The following HHAT variants were observed in gnomAD, a reference collection of about 807,000 sequenced individuals.
The protein encoded by HHAT is hedgehog acyltransferase.
A neutral mutation model predicts 70.8 loss-of-function variants in HHAT; 47 were observed. The observed-to-expected ratio is 0.66, with a 90% CI of 0.53 to 0.85. HHAT has a LOEUF of 0.85. Ranked by LOEUF, HHAT falls within the 40% of genes least tolerant of loss-of-function variation. The pLI is 0.00. For synonymous variants in HHAT, 228 were observed against 247.6 expected (o/e 0.92, Z 0.74); for missense variants, 609 against 604.8 (o/e 1.01, Z -0.07).
At chr1:210,625,726 C>T (rs1427768723) in intron 11 of HHAT, among the ~76,000 whole-genome samples, 2 of 152,232 alleles carry the variant, frequency 1.3e-5, no homozygotes, top group Non-Finnish European at 2.9e-5. Context: ...AAGTTTGTTT[C>T]TCTGACAGTT....
intron 6 of HHAT, among the ~76,000 whole-genome samples, chr1:210,417,503 G>T (rs2148270119): frequency 6.6e-6 from 1 of 152,258 alleles, no homozygotes; most frequent in Admixed American, 6.5e-5. Context: ...CCAAAGTCCT[G>T]GGATTCTAGG....
At chr1:210,424,659 G>A (rs758518752) in intron 7 of HHAT, among the ~76,000 whole-genome samples, 4 of 151,858 alleles carry the variant, frequency 2.6e-5, no homozygotes, top group Admixed American at 2.0e-4. Context: ...CTCCAACCAT[G>A]TCCCTGCAAA....
chr1:210,674,515 G>A lies in HHAT; in HGVS notation c.*136G>A, dbSNP rs1680828118. The A allele has an allele frequency of 8.1e-6, 5 of 618,238 alleles. No individual in the cohort carries two copies. The highest frequency in any genetic ancestry group is 1.1e-5 in the Non-Finnish European group (4 of 356,464). 38.3% of individuals were successfully genotyped at this position (618,238 alleles called of 1,614,324 possible). A position where few individuals can be genotyped will look rare whatever the true frequency, so the allele number is the denominator to read the frequency against. On this transcript the variant is annotated 3_prime_UTR_variant, in exon 12 of 12. Coordinates refer to ENST00000261458, the MANE Select transcript of HHAT (RefSeq NM_018194.6). Reference sequence around the variant, plus strand: ...GTTGAATGCCCTCACTCCAAGACTGGATGCTGGATCTCATAGAAAATTCAC... The same window carrying A: ...GTTGAATGCCCTCACTCCAAGACTGAATGCTGGATCTCATAGAAAATTCAC...
At chr1:210,379,899 C>T (rs145874296) in intron 3 of HHAT, among the ~76,000 whole-genome samples, 73 of 152,140 alleles carry the variant, frequency 4.8e-4, no homozygotes, top group African/African-American at 1.3e-3. Flanking sequence ...ATTGATTTTT[C>T]GGAGAGTGGG....
intron 1 of HHAT, among the ~76,000 whole-genome samples, chr1:210,335,972 A>G (rs1033805110): frequency 2.0e-5 from 3 of 152,208 alleles, no homozygotes; most frequent in African/African-American, 7.2e-5. Flanking sequence ...AGCAAAACCA[A>G]GATAGATGTA....
chr1:210,615,276 T>C (rs1165528500), intron 10 of HHAT, among the ~76,000 whole-genome samples: 1 of 152,218 alleles, frequency 6.6e-6, no homozygotes, highest in Non-Finnish European at 1.5e-5. Flanking sequence ...TTCTTGTAAA[T>C]TTGTTTGAGT....
intron 11 of HHAT, among the ~76,000 whole-genome samples, chr1:210,660,209 C>T (rs1382792606): frequency 2.6e-5 from 4 of 152,228 alleles, no homozygotes; most frequent in Admixed American, 6.5e-5. Flanking sequence ...TAAGCAACTT[C>T]AGCAAAGTCT....
At chr1:210,570,288 C>G (rs1035574886) in intron 9 of HHAT, among the ~76,000 whole-genome samples, 1 of 152,186 alleles carries the variant, frequency 6.6e-6, no homozygotes, top group Non-Finnish European at 1.5e-5. Context: ...TTTGCCAAGT[C>G]CCATGCCCTG....
intron 1 of HHAT, among the ~76,000 whole-genome samples, chr1:210,335,442 A>T (rs552228717): frequency 6.6e-6 from 1 of 152,152 alleles, no homozygotes. Context: ...ATCCCGGCAA[A>T]TTTTTTCTTC....
At chr1:210,566,219 A>G (rs1654712130) in intron 9 of HHAT, among the ~76,000 whole-genome samples, 1 of 152,188 alleles carries the variant, frequency 6.6e-6, no homozygotes, top group Admixed American at 6.5e-5. Flanking sequence ...GACATTTACT[A>G]GAGGCTCAGT....
At chr1:210,374,178 A>C (rs372592491) in intron 3 of HHAT, 7 of 152,320 alleles carry the variant, frequency 4.6e-5, no homozygotes, top group South Asian at 2.1e-4. Flanking sequence ...CAAGGCTTAC[A>C]AAAAATTAGC....
rs377044529 is a variant in HHAT, at chr1:210,348,962, C to T, written c.-14C>T. 35 of 1,612,944 alleles carry T rather than the reference C, an allele frequency of 2.2e-5. No individual in the cohort carries two copies. In the South Asian group the frequency reaches 2.8e-4, roughly 13 times the overall value. On this transcript the variant is annotated 5_prime_UTR_variant, in exon 2 of 12. Transcript: ENST00000261458. ...TCTCAGCGTAGGCATCGGGAACCTT[C>T]GTGCCAAGGAGCCATGCTGCCCCGA...
chr1:210,483,532 G>C (rs774958488), intron 8 of HHAT, among the ~76,000 whole-genome samples: 1 of 152,128 alleles, frequency 6.6e-6, no homozygotes, highest in Non-Finnish European at 1.5e-5. Context: ...GTTTCTTCCA[G>C]CTTTAGGTTC....
intron 11 of HHAT, among the ~76,000 whole-genome samples, chr1:210,651,536 G>A (rs1333006077): frequency 6.6e-6 from 1 of 152,168 alleles, no homozygotes; most frequent in African/African-American, 2.4e-5. Context: ...GTACCCTGCG[G>A]CTTACGATGG....
At chr1:210,496,678 A>C (rs563107891) in intron 8 of HHAT, among the ~76,000 whole-genome samples, 7 of 152,214 alleles carry the variant, frequency 4.6e-5, no homozygotes, top group African/African-American at 9.7e-5. Context: ...AGAGGTGTAC[A>C]TTAGCTAGCA....
rs565810149 is a variant in HHAT at position 210,437,852 on chromosome 1, C to G, written c.856+19527C>G. 2.0e-5 allele frequency among the ~76,000 whole-genome samples: 3 copies of G among 151,942 alleles called. No homozygotes were observed. In the South Asian group the frequency reaches 6.2e-4, roughly 31 times the overall value. Reference sequence around the variant, plus strand: ...TATCCCAGGAAACTATTGGACACTCCCATGAATCAGTTTTAGATTCTTACA... The same window carrying G: ...TATCCCAGGAAACTATTGGACACTCGCATGAATCAGTTTTAGATTCTTACA... On this transcript the variant is annotated intron_variant, in intron 7 of 11. Coordinates refer to ENST00000261458, the MANE Select transcript of HHAT (RefSeq NM_018194.6).
chr1:210,432,829 G>C (rs950474122), intron 7 of HHAT, among the ~76,000 whole-genome samples: 1 of 151,814 alleles, frequency 6.6e-6, no homozygotes, highest in African/African-American at 2.4e-5. Flanking sequence ...TTCTTGAGAT[G>C]TTTCAGAAAG....
chr1:210,436,169 T>G (rs2093369848), intron 7 of HHAT, among the ~76,000 whole-genome samples: 1 of 151,860 alleles, frequency 6.6e-6, no homozygotes, highest in African/African-American at 2.4e-5. Flanking sequence ...ATTTGGTTCT[T>G]CTGCATGTGG....
At chr1:210,595,579 C>T (rs898541588) in intron 10 of HHAT, among the ~76,000 whole-genome samples, 3 of 152,180 alleles carry the variant, frequency 2.0e-5, no homozygotes, top group African/African-American at 7.2e-5. Flanking sequence ...TACAGTCCCA[C>T]CATCAGTGTA....
Sources: gnomAD v4.1 joint callset for allele counts (sites outside exome capture counted in the v4.1 genomes callset) on GRCh38, gnomAD v4.1.1 for gene constraint, MANE v1.5 for transcripts, NCBI Gene and HGNC (gene_info 2026-07-23, HGNC 2026-07-21) for gene names.